The following IGSF10 variants were observed in gnomAD, a reference collection of about 807,000 sequenced individuals.
IGSF10 encodes calvaria mechanical force protein 608.
A neutral mutation model predicts 128.2 loss-of-function variants in IGSF10; 126 were observed. The observed-to-expected ratio is 0.98, with a 90% CI of 0.85 to 1.14. The LOEUF (loss-of-function observed/expected upper bound fraction) is 1.14, where lower values mean the gene tolerates loss of function less well. Among genes scored for constraint, IGSF10 ranks in the 50% most tolerant of loss-of-function variants. The pLI, the probability that IGSF10 is intolerant of heterozygous loss-of-function variation, is 0.00. For missense variants in IGSF10, 3,295 were observed against 3,149.8 expected (o/e 1.05, Z -1.10); for synonymous variants, 1,185 against 1,146.2 (o/e 1.03, Z -0.68).
the IGSF10 span, among the ~76,000 whole-genome samples, chr3:151,585,997 T>G: frequency 6.6e-6 from 1 of 151,656 alleles, no homozygotes; most frequent in African/African-American, 2.4e-5. Flanking sequence ...TTTTTTTTTT[T>G]GAGACAGGGT....
At chr3:151,563,473 G>A in the IGSF10 span, among the ~76,000 whole-genome samples, 1 of 152,226 alleles carries the variant, frequency 6.6e-6, no homozygotes, top group African/African-American at 2.4e-5. Context: ...GAGCTTCACT[G>A]CCAAGTAAGA....
intron 7 of IGSF10, among the ~76,000 whole-genome samples, chr3:151,439,430 T>C (rs1720701283): frequency 6.6e-6 from 1 of 152,282 alleles, no homozygotes; most frequent in African/African-American, 2.4e-5. Context: ...CTGGCCAACA[T>C]GGCAAAACCC....
At chr3:151,533,920 A>G in the IGSF10 span, among the ~76,000 whole-genome samples, 1 of 152,252 alleles carries the variant, frequency 6.6e-6, no homozygotes, top group Non-Finnish European at 1.5e-5. Flanking sequence ...CAAAGGGCTA[A>G]TATCCAGAAT....
the IGSF10 span, among the ~76,000 whole-genome samples, chr3:151,510,866 G>A: frequency 6.6e-6 from 1 of 152,136 alleles, no homozygotes; most frequent in African/African-American, 2.4e-5. Flanking sequence ...GGGTATCAGT[G>A]GTGGAAGATG....
chr3:151,532,145 G>A, the IGSF10 span, among the ~76,000 whole-genome samples: 3 of 152,038 alleles, frequency 2.0e-5, no homozygotes. Flanking sequence ...TCAAATCCTG[G>A]AACAGACCAA....
chr3:151,603,941 C>T, the IGSF10 span, among the ~76,000 whole-genome samples: 6 of 152,154 alleles, frequency 3.9e-5, no homozygotes, highest in Admixed American at 1.3e-4. Flanking sequence ...TCCTGGCCTG[C>T]GAGCTCTCTG....
chr3:151,562,764 G>A, the IGSF10 span, among the ~76,000 whole-genome samples: 1 of 152,042 alleles, frequency 6.6e-6, no homozygotes, highest in Non-Finnish European at 1.5e-5. Context: ...AGTAGGGAAG[G>A]CACCAATGCA....
the IGSF10 span, among the ~76,000 whole-genome samples, chr3:151,504,606 C>T: frequency 2.0e-5 from 3 of 152,104 alleles, no homozygotes; most frequent in African/African-American, 4.8e-5. Context: ...ACAACATATA[C>T]AAGCATCTAT....
Position 151,447,138 on chromosome 3 carries a change from A to T in IGSF10, c.2843T>A (p.Val948Glu). The T allele has an allele frequency of 2.5e-6, 4 of 1,614,134 alleles. No homozygotes were observed. The highest frequency in any genetic ancestry group is 3.4e-6 in the Non-Finnish European group (4 of 1,180,010). ...STTNKLLLES[V>E]NTTNSHQTSV... ...TGTCTGATGACTATTTGTGGTATTT[A>T]CTGACTCTAATAATAGTTTGTTGGT... The change falls in exon 6 of 8, where the codon GTA becomes GAA. Residue 948 changes from valine (V) to glutamate (E), a missense_variant. Physicochemically the swap from Val to Glu is moderately radical, Grantham distance 121. Transcript: ENST00000282466.
At chr3:151,473,085 C>A in the IGSF10 span, among the ~76,000 whole-genome samples, 90 of 152,312 alleles carry the variant, frequency 5.9e-4, 1 homozygote, top group East Asian at 0.015. Context: ...GATCATGGAT[C>A]AAGACTTCTC....
chr3:151,452,845 T>C (rs747523033), intron 5 of IGSF10, among the ~76,000 whole-genome samples: 1 of 152,022 alleles, frequency 6.6e-6, no homozygotes, highest in Non-Finnish European at 1.5e-5. Flanking sequence ...GCAGCCAGAC[T>C]TCTCAGAACG....
the IGSF10 span, among the ~76,000 whole-genome samples, chr3:151,513,710 A>G: frequency 1.3e-5 from 2 of 152,236 alleles, no homozygotes; most frequent in East Asian, 1.9e-4. Context: ...ATGATTGTAT[A>G]TCTAGAAAAC....
the IGSF10 span, among the ~76,000 whole-genome samples, chr3:151,489,835 AG>A: frequency 6.6e-6 from 1 of 151,940 alleles, no homozygotes; most frequent in Non-Finnish European, 1.5e-5. Context: ...GTTGCGGGCT[AG>A]GGGAGGGATA....
At chr3:151,578,672 A>G in the IGSF10 span, among the ~76,000 whole-genome samples, 5 of 152,192 alleles carry the variant, frequency 3.3e-5, no homozygotes, top group African/African-American at 4.8e-5. Context: ...CCTTCTTCCT[A>G]TCTTTTCTGT....
the IGSF10 span, among the ~76,000 whole-genome samples, chr3:151,468,645 T>C: frequency 1.3e-5 from 2 of 152,198 alleles, no homozygotes; most frequent in Non-Finnish European, 2.9e-5. Context: ...CGATGAATAC[T>C]GGAGCTATTC....
chr3:151,484,381 C>T, the IGSF10 span, among the ~76,000 whole-genome samples: 1 of 152,206 alleles, frequency 6.6e-6, no homozygotes, highest in Non-Finnish European at 1.5e-5. Context: ...ACAGCTTCAG[C>T]AGATTTAAAT....
chr3:151,511,138 G>A, the IGSF10 span, among the ~76,000 whole-genome samples: 2 of 151,980 alleles, frequency 1.3e-5, no homozygotes, highest in East Asian at 3.9e-4. Flanking sequence ...TCCTCGAGAA[G>A]AGCAACTCCA....
the IGSF10 span, among the ~76,000 whole-genome samples, chr3:151,601,345 T>G: frequency 6.6e-6 from 1 of 152,162 alleles, no homozygotes; most frequent in Non-Finnish European, 1.5e-5. Flanking sequence ...AACTAGCAAA[T>G]TTTAATTCAT....
At chr3:151,434,708 T>C (rs569127452), downstream of IGSF10, 5 of 152,374 alleles carry the variant, frequency 3.3e-5, no homozygotes, top group African/African-American at 1.2e-4. Flanking sequence ...GTTCCATCAT[T>C]ATTTCTTTCC....
Sources: allele counts gnomAD v4.1 joint callset (sites outside exome capture counted in the v4.1 genomes callset), GRCh38; gene constraint gnomAD v4.1.1; transcripts MANE v1.5; gene names NCBI Gene and HGNC (gene_info 2026-07-23, HGNC 2026-07-21).